Variants in GRID2 observed in about 807,000 individuals in gnomAD.
GRID2 encodes the protein glutamate receptor ionotropic, delta-2.
In GRID2, 33 loss-of-function variants were observed where a neutral mutation model predicts 114.8. The observed-to-expected ratio is 0.29, with a 90% CI of 0.22 to 0.38. The LOEUF is 0.38. Among genes scored for constraint, GRID2 ranks in the 10% least tolerant of loss-of-function variants. The pLI, the probability that GRID2 is intolerant of heterozygous loss-of-function variation, is 1.00. For synonymous variants in GRID2, 505 were observed against 449.9 expected (o/e 1.12, Z -1.55); for missense variants, 1,184 against 1,257.7 (o/e 0.94, Z 0.89).
At position 92,597,090 on chromosome 4, in the gene GRID2, ATTTATT is replaced by A. The variant is rs527626689; in HGVS notation, c.244+6824_244+6829del. ...TTTTTACGATCATTATACCAAATTT[ATTTATT>A]TTTATTTTTATTTTTATTTGTTTAA... On this transcript the variant is annotated intron_variant, in intron 2 of 15. Transcript: ENST00000282020. Among the ~76,000 whole-genome samples the A allele has an allele frequency of 3.0e-3, 457 of 151,928 alleles. 2 individuals are homozygous for A. Among genetic ancestry groups the A allele is most frequent in the Non-Finnish European group, 5.4e-3 (365 of 67,910 alleles).
intron 14 of GRID2, among the ~76,000 whole-genome samples, chr4:93,720,783 G>A (rs1437857147): frequency 2.6e-5 from 4 of 152,154 alleles, no homozygotes; most frequent in Non-Finnish European, 5.9e-5. Context: ...AGAGTTCTGC[G>A]TAAACATAAG....
At chr4:92,502,718 T>TC (rs1723748482) in intron 1 of GRID2, among the ~76,000 whole-genome samples, 1 of 139,870 alleles carries the variant, frequency 7.1e-6, no homozygotes, top group African/African-American at 2.7e-5. Context: ...TTTTTTTTTT[T>TC]TTTTTTTTTT....
intron 14 of GRID2, among the ~76,000 whole-genome samples, chr4:93,760,355 A>G (rs75720467): frequency 8.4e-4 from 128 of 152,336 alleles, no homozygotes; most frequent in Non-Finnish European, 1.5e-3. Context: ...TAGTAACTAC[A>G]TAAGGACATA....
At chr4:93,420,579 G>C (rs1283657903) in intron 9 of GRID2, among the ~76,000 whole-genome samples, 1 of 151,924 alleles carries the variant, frequency 6.6e-6, no homozygotes, top group Non-Finnish European at 1.5e-5. Context: ...AAACAAGTCA[G>C]TATTATTAGA....
At chr4:93,053,986 A>G (rs1300821512) in intron 2 of GRID2, among the ~76,000 whole-genome samples, 6 of 151,954 alleles carry the variant, frequency 3.9e-5, no homozygotes, top group Admixed American at 1.3e-4. Flanking sequence ...TAATTCCACA[A>G]TTTCATCCTG....
intron 1 of GRID2, among the ~76,000 whole-genome samples, chr4:92,574,923 T>C (rs1250110344): frequency 6.6e-6 from 1 of 152,186 alleles, no homozygotes; most frequent in East Asian, 1.9e-4. Context: ...GTTTGTTAAA[T>C]TATTTCCATT....
At chr4:92,726,332 C>T (rs1308590277) in intron 2 of GRID2, among the ~76,000 whole-genome samples, 1 of 152,106 alleles carries the variant, frequency 6.6e-6, no homozygotes, top group Non-Finnish European at 1.5e-5. Context: ...ATGCATTGTA[C>T]TGTAGTGTTG....
At chr4:93,032,343 T>C (rs1724514932) in intron 2 of GRID2, among the ~76,000 whole-genome samples, 1 of 152,162 alleles carries the variant, frequency 6.6e-6, no homozygotes, top group South Asian at 2.1e-4. Flanking sequence ...TAGGTTTATT[T>C]TGGGCAGGAT....
chr4:93,700,266 C>T (rs547289775), intron 14 of GRID2, among the ~76,000 whole-genome samples: 17 of 152,172 alleles, frequency 1.1e-4, no homozygotes, highest in African/African-American at 3.6e-4. Context: ...TAAATATAAA[C>T]CATCTTATTC....
chr4:92,876,492 G>A (rs1014792587), intron 2 of GRID2, among the ~76,000 whole-genome samples: 13 of 151,978 alleles, frequency 8.6e-5, no homozygotes, highest in African/African-American at 3.1e-4. Context: ...TTTTAGTAAA[G>A]ACGGGGTTTC....
rs538153655 is a variant in GRID2, at chr4:92,681,319, T to C, written c.244+91033T>C. On this transcript the variant is annotated intron_variant, in intron 2 of 15. Transcript: ENST00000282020. ...TGATGAAACTGTTCTTTATCAATAT[T>C]GTGGGTGTGGATCATGAACCTATGC... Among the ~76,000 whole-genome samples, 368 of 152,296 alleles carry C rather than the reference T, an allele frequency of 2.4e-3. 5 individuals are homozygous for C. The highest frequency in any genetic ancestry group is 5.4e-3 in the Admixed American group (83 of 15,294).
intron 12 of GRID2, among the ~76,000 whole-genome samples, chr4:93,510,906 A>G (rs4693329): frequency 0.36 from 54,917 of 152,002 alleles, 11,456 homozygotes; most frequent in African/African-American, 0.57. Flanking sequence ...ATAGACTATC[A>G]AATATTTAAA....
chr4:93,146,439 G>T (rs983646373), intron 4 of GRID2, among the ~76,000 whole-genome samples: 4 of 152,066 alleles, frequency 2.6e-5, no homozygotes, highest in African/African-American at 9.7e-5. Context: ...TATCATGCAT[G>T]GTACTTGGAA....
At chr4:92,516,523 G>T (rs1189328772) in intron 1 of GRID2, among the ~76,000 whole-genome samples, 1 of 151,796 alleles carries the variant, frequency 6.6e-6, no homozygotes, top group Non-Finnish European at 1.5e-5. Flanking sequence ...ATATCAGATT[G>T]GAAGAAAGCC....
At chr4:93,449,869 GAGAAGTATAGATTAC>G (rs1221854624) in intron 10 of GRID2, among the ~76,000 whole-genome samples, 2 of 152,078 alleles carry the variant, frequency 1.3e-5, no homozygotes, top group East Asian at 3.9e-4. Flanking sequence ...CATAATGAAT[GAGAAGTATAGATTAC>G]AGTAGATGTG....
At chr4:93,456,193 T>A (rs933258946) in intron 11 of GRID2, among the ~76,000 whole-genome samples, 48 of 152,174 alleles carry the variant, frequency 3.2e-4, no homozygotes, top group African/African-American at 1.1e-3. Flanking sequence ...GATGTAAGTT[T>A]AATTTCATCA....
chr4:93,314,002 T>C (rs1159271584), intron 8 of GRID2, among the ~76,000 whole-genome samples: 2 of 152,048 alleles, frequency 1.3e-5, no homozygotes, highest in African/African-American at 2.4e-5. Flanking sequence ...CTTGGAACTA[T>C]TGTATAAGAA....
chr4:93,333,159 A>T (rs1758679460), intron 8 of GRID2, among the ~76,000 whole-genome samples: 1 of 144,870 alleles, frequency 6.9e-6, no homozygotes, highest in South Asian at 2.2e-4. Flanking sequence ...ACAGCTCTCT[A>T]GAAAGCCTTC....
intron 13 of GRID2, among the ~76,000 whole-genome samples, chr4:93,560,222 TAAA>T (rs70942974): frequency 0.011 from 465 of 42,906 alleles, no homozygotes; most frequent in African/African-American, 0.04. Flanking sequence ...GAACTTAAAG[TAAA>T]AAAAAAAAAA....
Sources: allele counts gnomAD v4.1 joint callset (sites outside exome capture counted in the v4.1 genomes callset), GRCh38; gene constraint gnomAD v4.1.1; transcripts MANE v1.5; gene names NCBI Gene and HGNC (gene_info 2026-07-23, HGNC 2026-07-21).